TMF1: variants seen among roughly 807,000 people sequenced by gnomAD.
TMF1 encodes TATA element modulatory factor 1, also known as TATA element modulatory factor.
In TMF1, 71 loss-of-function variants were observed where a neutral mutation model predicts 126.5. That is an observed-to-expected ratio of 0.56 (90% CI 0.46 to 0.68). TMF1 has a LOEUF of 0.68. Among genes scored for constraint, TMF1 ranks in the 30% least tolerant of loss-of-function variants. The probability of loss-of-function intolerance (pLI) is 0.00; values close to 1 mark genes in which losing one functional copy is unlikely to be tolerated. For missense variants in TMF1, 1,259 were observed against 1,253.2 expected, an observed-to-expected ratio of 1.00 and a Z score of -0.07; for synonymous variants, 461 against 430.5, an observed-to-expected ratio of 1.07 and a Z score of -0.88.
intron 2 of TMF1, among the ~76,000 whole-genome samples, chr3:69,046,119 A>C (rs1396880696): frequency 1.3e-5 from 2 of 152,158 alleles, no homozygotes; most frequent in African/African-American, 2.4e-5. Flanking sequence ...ATTCATACAT[A>C]CATCCATCCA....
Position 69,039,027 on chromosome 3 carries a change from A to G in TMF1, c.1828-18T>C. On this transcript the variant is annotated intron_variant, in intron 6 of 16. Transcript: ENST00000398559. ...TCAAGGACCTATATGTTATAAAAAC[A>G]GACAAAAGTATTTTTCAAGAAATAA... 2.7e-6 allele frequency: 4 copies of G among 1,495,314 alleles called. No individual in the cohort carries two copies. The highest frequency in any genetic ancestry group is 3.6e-6 in the Non-Finnish European group (4 of 1,116,984). 92.6% of individuals were successfully genotyped at this position (1,495,314 alleles called of 1,614,324 possible).
chr3:69,051,242 C>T (rs1273293319), intron 1 of TMF1, among the ~76,000 whole-genome samples: 3 of 152,002 alleles, frequency 2.0e-5, no homozygotes, highest in African/African-American at 7.3e-5. Context: ...TTTAGGAGGC[C>T]GAGGTGGGTG....
intron 13 of TMF1, 124 bp from the exon 14 acceptor site, chr3:69,026,221 G>T: frequency 1.6e-6 from 1 of 606,162 alleles, no homozygotes; most frequent in African/African-American, 1.9e-5. Context: ...CACTACAAAG[G>T]AATTCAATAC....
intron 5 of TMF1, chr3:69,042,549 G>T: frequency 1.7e-6 from 1 of 580,096 alleles, no homozygotes; most frequent in Non-Finnish European, 3.2e-6. Flanking sequence ...AGTTTTCTTA[G>T]GGCAGCACAA....
intron 2 of TMF1, among the ~76,000 whole-genome samples, chr3:69,047,062 T>C (rs576192210): frequency 2.6e-4 from 39 of 152,266 alleles, no homozygotes; most frequent in Admixed American, 1.2e-3. Context: ...GACATACTAA[T>C]AAGCATAACA....
At chr3:69,029,730 G>A (rs1005167002) in intron 11 of TMF1, 85 bp downstream of exon 11, 30 of 1,334,950 alleles carry the variant, frequency 2.2e-5, no homozygotes, top group Non-Finnish European at 3.0e-5. Context: ...CGTGAGCCAC[G>A]GCGCCCGGCC....
chr3:69,023,280 C>T lies in TMF1; in HGVS notation c.3179G>A (p.Gly1060Glu). Reference protein sequence around the residue: ...QRYNTILQMYGEKAEEAEELR... With the variant: ...QRYNTILQMYEEKAEEAEELR... ...TTCTTCTGCCTCTTCTGCTTTTTCTCCATACATCTGCAGAATAGTGTTGTA... is the reference window on the plus strand; with the variant it reads ...TTCTTCTGCCTCTTCTGCTTTTTCTTCATACATCTGCAGAATAGTGTTGTA... The change falls in exon 17 of 17, where the codon GGA (glycine) becomes GAA (glutamate). Residue 1060 changes from glycine to glutamate, a missense_variant. By Grantham distance (98) the Gly-to-Glu change is moderately conservative. Coordinates refer to ENST00000398559, the MANE Select transcript of TMF1 (RefSeq NM_007114.3). 2.5e-6 allele frequency: 4 copies of T among 1,612,110 alleles called. No homozygotes were observed. Among genetic ancestry groups the T allele is most frequent in the Non-Finnish European group, 3.4e-6 (4 of 1,178,930 alleles).
At chr3:69,023,369 C>G (rs1026195926) in intron 16 of TMF1, 49 bp from the exon 17 acceptor site, 1 of 1,453,520 alleles carries the variant, frequency 6.9e-7, no homozygotes, top group Non-Finnish European at 9.4e-7. Flanking sequence ...CACAGAACAT[C>G]TTTAATATTT....
At chr3:69,046,278 G>A (rs2091895353) in intron 2 of TMF1, among the ~76,000 whole-genome samples, 1 of 126,746 alleles carries the variant, frequency 7.9e-6, no homozygotes, top group Non-Finnish European at 1.7e-5. Flanking sequence ...GGAGTAGGAA[G>A]GGTTCCTTTT....
Position 69,039,543 on chromosome 3 carries a change from C to T in TMF1, c.1827+8G>A, listed in dbSNP as rs2091851901. 1.2e-6 allele frequency: 2 copies of T among 1,609,252 alleles called. No homozygotes were observed. The highest frequency in any genetic ancestry group is 1.7e-5 in the Admixed American group (1 of 58,748). ...ATATATATGTAGAGAATTATGATTG[C>T]TATTCACCTGTTTCAAATGCTGCAA... is the stretch of plus-strand genomic sequence containing the variant. On this transcript the variant is annotated splice_region_variant and intron_variant, in intron 6 of 16. Coordinates refer to ENST00000398559, the MANE Select transcript of TMF1 (RefSeq NM_007114.3).
Position 69,048,049 on chromosome 3 carries a change from G to T in TMF1, c.656C>A (p.Thr219Lys). ...CAAAGCTATGTCCTTTGTTTCTGCT[G>T]TGAGAGACTGCGTAGACGTATTAGA... ...SISNTSTQSLTAETKDIALEP... is the reference protein window; with the variant it reads ...SISNTSTQSLKAETKDIALEP... Residue 219 changes from threonine (T) to lysine (K), a missense_variant, in exon 2 of 17, where the codon ACA becomes AAA. Coordinates refer to ENST00000398559, the MANE Select transcript of TMF1 (RefSeq NM_007114.3). 1.2e-6 allele frequency: 2 copies of T among 1,614,102 alleles called. No individual in the cohort carries two copies. The highest frequency in any genetic ancestry group is 1.7e-5 in the Admixed American group (1 of 60,030).
chr3:69,023,633 T>C (rs1180235184), intron 16 of TMF1, among the ~76,000 whole-genome samples: 1 of 152,124 alleles, frequency 6.6e-6, no homozygotes, highest in Non-Finnish European at 1.5e-5. Flanking sequence ...CTTTGTTCCA[T>C]GGTGGTATAA....
chr3:69,030,923 G>C (rs1286783593), intron 10 of TMF1, among the ~76,000 whole-genome samples: 1 of 152,110 alleles, frequency 6.6e-6, no homozygotes, highest in South Asian at 2.1e-4. Context: ...TGAAAACTTA[G>C]GTTCACACTA....
chr3:69,024,052 T>C lies in TMF1; in HGVS notation c.3138+3A>G, dbSNP rs1218636812. ...GACTCATCCTTAGGTGAAGAATACT[T>C]ACTCTTAGCTGAGTTCTAAGTTTGG... On this transcript the variant is annotated splice_donor_region_variant and intron_variant, in intron 16 of 16. Coordinates refer to ENST00000398559, the MANE Select transcript of TMF1 (RefSeq NM_007114.3). 6.3e-7 allele frequency: 1 copy of C among 1,599,770 alleles called. No individual in the cohort carries two copies. Among genetic ancestry groups the C allele is most frequent in the African/African-American group, 1.3e-5 (1 of 74,238 alleles).
intron 11 of TMF1, among the ~76,000 whole-genome samples, chr3:69,029,417 C>A (rs893567736): frequency 4.6e-5 from 7 of 151,250 alleles, no homozygotes; most frequent in African/African-American, 1.7e-4. Context: ...TAAAAGCCAA[C>A]GACATACTTT....
At chr3:69,043,083 TTGAAAA>T (rs550025834) in intron 4 of TMF1, among the ~76,000 whole-genome samples, 171 bp from the exon 5 acceptor site, 277 of 152,304 alleles carry the variant, frequency 1.8e-3, no homozygotes, top group African/African-American at 6.5e-3. Context: ...GAAAACAACT[TTGAAAA>T]TGATATTCAA....
At chr3:69,043,122 C>T (rs1163547434) in intron 4 of TMF1, among the ~76,000 whole-genome samples, 1 of 152,106 alleles carries the variant, frequency 6.6e-6, no homozygotes, top group Non-Finnish European at 1.5e-5. Flanking sequence ...GATATACAAG[C>T]AAGTGTTAAT....
At position 69,052,082 on chromosome 3, in the gene TMF1, C is replaced by T; in HGVS notation, c.5G>A (p.Ser2Asn). The change falls in exon 1 of 17, where the codon AGT becomes AAT. Residue 2 changes from serine to asparagine, a missense_variant. Physicochemically the swap from Ser to Asn is conservative, Grantham distance 46 (BLOSUM62 1). Transcript: ENST00000398559. M[S>N]WFNASQLSSF... ...GGAGAGCTGGGAGGCGTTGAACCAA[C>T]TCATCGCCCCTCCTCAGCCGGCAGT... is the stretch of plus-strand genomic sequence containing the variant. 6.2e-7 allele frequency: 1 copy of T among 1,609,578 alleles called. No individual in the cohort carries two copies. The highest frequency in any genetic ancestry group is 8.5e-7 in the Non-Finnish European group (1 of 1,178,526).
chr3:69,048,106 A>C lies in TMF1; in HGVS notation c.599T>G (p.Val200Gly). 1 of 1,614,220 alleles carries C rather than the reference A, an allele frequency of 6.2e-7. No individual in the cohort carries two copies. The highest frequency in any genetic ancestry group is 2.2e-5 in the East Asian group (1 of 44,886). ...PTVSLKVSES[V>G]IDVKTTMESI... ...TTCCATAGTTGTTTTCACATCAATT[A>C]CACTTTCAGATACTTTCAAACTTAC... The change falls in exon 2 of 17, where the codon GTA becomes GGA. Residue 200 changes from valine (V) to glycine (G), a missense_variant. Transcript: ENST00000398559.
Sources: allele counts gnomAD v4.1 joint callset (sites outside exome capture counted in the v4.1 genomes callset), GRCh38; gene constraint gnomAD v4.1.1; transcripts MANE v1.5; gene names NCBI Gene and HGNC (gene_info 2026-07-23, HGNC 2026-07-21).